ZFHX3: variants seen among roughly 807,000 people sequenced by gnomAD.
ZFHX3 encodes the protein zinc finger homeobox protein 3.
Under a neutral mutation model 279.1 loss-of-function variants are expected in ZFHX3, and 42 were observed. The ratio of observed to expected loss-of-function variants is 0.15; its 90% CI spans 0.12 to 0.19. The LOEUF is 0.19. Among genes scored for constraint, ZFHX3 ranks in the 10% least tolerant of loss-of-function variants. The pLI, the probability that ZFHX3 is intolerant of heterozygous loss-of-function variation, is 1.00. For synonymous variants in ZFHX3, 2,293 were observed against 1,957.8 expected (o/e 1.17, Z -4.52); for missense variants, 4,981 against 4,754.0 (o/e 1.05, Z -1.40).
At chr16:72,802,319 G>A (rs1330986196) in intron 7 of ZFHX3, among the ~76,000 whole-genome samples, 4 of 151,768 alleles carry the variant, frequency 2.6e-5, no homozygotes, top group South Asian at 2.1e-4. Context: ...CTGTTGTCTC[G>A]CTGCGACTTT....
intron 3 of ZFHX3, among the ~76,000 whole-genome samples, chr16:73,320,017 C>T (rs555324063): frequency 3.9e-4 from 60 of 152,106 alleles, no homozygotes; most frequent in Admixed American, 1.5e-3. Context: ...TCTTTATCTC[C>T]AGAGAGAGCT....
At chr16:73,116,757 C>A (rs750717050) in intron 7 of ZFHX3, among the ~76,000 whole-genome samples, 3 of 152,040 alleles carry the variant, frequency 2.0e-5, no homozygotes, top group Non-Finnish European at 4.4e-5. Context: ...TTTAAATGAC[C>A]AAAAGTCCTA....
intron 3 of ZFHX3, among the ~76,000 whole-genome samples, chr16:72,926,443 A>C (rs1372598884): frequency 6.6e-6 from 1 of 152,238 alleles, no homozygotes; most frequent in Non-Finnish European, 1.5e-5. Context: ...ACTCTTTAAA[A>C]ATGAATTACA....
At chr16:73,190,867 G>A (rs2144888344) in intron 5 of ZFHX3, among the ~76,000 whole-genome samples, 1 of 151,822 alleles carries the variant, frequency 6.6e-6, no homozygotes, top group East Asian at 1.9e-4. Flanking sequence ...ACAGGGCGAA[G>A]GAAGAAAAGG....
At chr16:73,175,975 T>C (rs550384224) in intron 5 of ZFHX3, among the ~76,000 whole-genome samples, 3 of 152,226 alleles carry the variant, frequency 2.0e-5, no homozygotes, top group Non-Finnish European at 4.4e-5. Context: ...AATGAATGAA[T>C]GTAACTCCTT....
rs370932128 is a variant in ZFHX3 at position 72,957,827 on chromosome 16, C to T, written c.2319G>A (p.Ala773=). 88 of 1,610,150 alleles carry T rather than the reference C, an allele frequency of 5.5e-5. No individual in the cohort carries two copies. The Admixed American group carries it at 7.4e-4, about 13-fold the overall frequency. Residue 773 remains alanine (A), a synonymous_variant, in exon 2 of 10, where the codon GCG becomes GCA. Transcript: ENST00000268489. ...EQVFSHTAGA[A]AAAVAAAAAA... is the part of the protein sequence containing the mutation. ...CCGCCGCCGCAGCCACCGCCGCCGC[C>T]GCCGCCCCGGCAGTGTGGCTGAAGA...
At chr16:73,079,265 G>A (rs563971381) in intron 8 of ZFHX3, among the ~76,000 whole-genome samples, 6 of 151,692 alleles carry the variant, frequency 4.0e-5, no homozygotes, top group South Asian at 2.1e-4. Flanking sequence ...TGGCTCACAC[G>A]TGTAATCCCA....
chr16:73,408,832 G>C (rs1397800020), intron 3 of ZFHX3, among the ~76,000 whole-genome samples: 1 of 152,030 alleles, frequency 6.6e-6, no homozygotes, highest in Non-Finnish European at 1.5e-5. Flanking sequence ...TCCCATGGGA[G>C]AGGACCACAA....
intron 1 of ZFHX3, among the ~76,000 whole-genome samples, chr16:73,683,620 C>A (rs1463936912): frequency 1.3e-5 from 2 of 151,954 alleles, no homozygotes; most frequent in Non-Finnish European, 2.9e-5. Flanking sequence ...CGGCTCACTG[C>A]AACCTCTGCC....
In ZFHX3 at chr16:73,741,479, G is replaced by A. The variant is rs114222351; in HGVS notation, c.-1607-61239C>T. 1.3e-3 allele frequency among the ~76,000 whole-genome samples: 196 copies of A among 152,216 alleles called. 1 individual carries two copies. Among genetic ancestry groups the A allele is most frequent in the African/African-American group, 4.3e-3 (180 of 41,550 alleles). On this transcript the variant is annotated intron_variant, in intron 1 of 17. Coordinates refer to the ZFHX3 transcript ENST00000641206. ...TAGTTTCCTCCCTCCCATGCTGCAC[G>A]TGTGCTTAAGACATGGGTGGAAGAG...
chr16:73,149,825 C>T (rs1010540677), intron 5 of ZFHX3, among the ~76,000 whole-genome samples: 2 of 152,130 alleles, frequency 1.3e-5, no homozygotes, highest in Non-Finnish European at 2.9e-5. Context: ...TGTAGACTCA[C>T]AGATGTAACC....
At chr16:73,379,605 A>G (rs1474716210) in intron 3 of ZFHX3, among the ~76,000 whole-genome samples, 1 of 152,178 alleles carries the variant, frequency 6.6e-6, no homozygotes, top group East Asian at 1.9e-4. Flanking sequence ...CAGAGCCAGA[A>G]CTCAATGCAT....
chr16:72,981,036 C>A (rs1172087407), intron 1 of ZFHX3, among the ~76,000 whole-genome samples: 1 of 152,102 alleles, frequency 6.6e-6, no homozygotes, highest in African/African-American at 2.4e-5. Flanking sequence ...GAGATTCAGT[C>A]TTGAGTCAAT....
intron 1 of ZFHX3, among the ~76,000 whole-genome samples, chr16:73,754,327 A>C (rs2053787418): frequency 6.6e-6 from 1 of 152,102 alleles, no homozygotes; most frequent in Non-Finnish European, 1.5e-5. Flanking sequence ...TTTCATTTTA[A>C]AGGCAAAGGA....
chr16:72,961,869 C>T (rs1033441951), intron 1 of ZFHX3, among the ~76,000 whole-genome samples: 6 of 148,336 alleles, frequency 4.0e-5, no homozygotes, highest in African/African-American at 7.5e-5. Context: ...TGACTTAAAA[C>T]AGAGATGACT....
At chr16:72,834,401 C>T (rs2037135217) in intron 4 of ZFHX3, among the ~76,000 whole-genome samples, 1 of 152,220 alleles carries the variant, frequency 6.6e-6, no homozygotes, top group Non-Finnish European at 1.5e-5. Context: ...GCAAGAATTC[C>T]AGCAGATAAA....
intron 1 of ZFHX3, among the ~76,000 whole-genome samples, chr16:73,713,455 C>T (rs1010098050): frequency 1.3e-5 from 2 of 152,200 alleles, no homozygotes; most frequent in Middle Eastern, 3.4e-3. Flanking sequence ...CTATTCTTGG[C>T]GAGTTTCCTA....
intron 3 of ZFHX3, among the ~76,000 whole-genome samples, chr16:72,932,684 C>T (rs1959886251): frequency 6.7e-6 from 1 of 149,958 alleles, no homozygotes. Context: ...AATCCACTGA[C>T]CTTTCCATTC....
intron 2 of ZFHX3, among the ~76,000 whole-genome samples, chr16:73,562,061 C>T (rs567670181): frequency 8.5e-5 from 13 of 152,220 alleles, no homozygotes; most frequent in African/African-American, 3.1e-4. Flanking sequence ...TTTTAGCATC[C>T]AAGTGGGATA....
Sources: allele counts gnomAD v4.1 joint callset (sites outside exome capture counted in the v4.1 genomes callset), GRCh38; gene constraint gnomAD v4.1.1; transcripts MANE v1.5; gene names NCBI Gene and HGNC (gene_info 2026-07-23, HGNC 2026-07-21).